The following GRM8 variants were observed in gnomAD, a reference collection of about 807,000 sequenced individuals.
GRM8 encodes the protein metabotropic glutamate receptor 8.
A neutral mutation model predicts 87.2 loss-of-function variants in GRM8; 47 were observed. The observed-to-expected ratio is 0.54, with a 90% CI of 0.43 to 0.69. The LOEUF is 0.69. Among genes scored for constraint, GRM8 ranks in the 30% least tolerant of loss-of-function variants. The pLI, the probability that GRM8 is intolerant of heterozygous loss-of-function variation, is 0.00. For missense variants in GRM8, 1,019 were observed against 1,139.2 expected (o/e 0.89, Z 1.52); for synonymous variants, 396 against 404.5 (o/e 0.98, Z 0.25).
intron 2 of GRM8, among the ~76,000 whole-genome samples, chr7:127,158,344 C>T (rs1228934233): frequency 6.6e-6 from 1 of 152,098 alleles, no homozygotes; most frequent in Non-Finnish European, 1.5e-5. Context: ...AAAGGACATC[C>T]TCACCGTCCA....
Position 127,188,182 on chromosome 7 carries a change from A to T in GRM8, c.510+54513T>A, listed in dbSNP as rs544496347. Among the ~76,000 whole-genome samples the T allele has an allele frequency of 2.8e-4, 42 of 152,350 alleles. 1 individual carries two copies. In the South Asian group the frequency reaches 7.5e-3, roughly 27 times the overall value. On this transcript the variant is annotated intron_variant, in intron 2 of 10. Transcript: ENST00000339582. ...TGTATCCTCACAATAAACTTATGAC[A>T]GAAGCATTATTGATAACTCCACTTT...
chr7:126,690,291 G>A lies in GRM8; in HGVS notation c.1357+79574C>T, dbSNP rs185859068. On this transcript the variant is annotated intron_variant, in intron 7 of 10. Transcript: ENST00000339582. ...GCCAAGGGCAAGGCAGGCACGGAGT[G>A]GTGAGGGGTATGTGAGCAAGCAAGC... Among the ~76,000 whole-genome samples, 20 of 152,346 alleles carry A rather than the reference G, an allele frequency of 1.3e-4. No individual in the cohort carries two copies. The East Asian group carries it at 3.5e-3, about 27-fold the overall frequency.
At chr7:126,480,055 G>A (rs1397679091) in intron 9 of GRM8, among the ~76,000 whole-genome samples, 1 of 152,054 alleles carries the variant, frequency 6.6e-6, no homozygotes, top group African/African-American at 2.4e-5. Context: ...GACTGAAGTG[G>A]GTGAAGAAGA....
At chr7:127,244,323 C>T (rs1798469506) in intron 1 of GRM8, among the ~76,000 whole-genome samples, 1 of 152,120 alleles carries the variant, frequency 6.6e-6, no homozygotes, top group African/African-American at 2.4e-5. Context: ...TGAAGAGCTG[C>T]CTAATTTTGC....
intron 2 of GRM8, among the ~76,000 whole-genome samples, chr7:127,165,437 C>A (rs766251478): frequency 2.6e-5 from 4 of 151,814 alleles, no homozygotes; most frequent in Non-Finnish European, 5.9e-5. Flanking sequence ...CCATGATAAT[C>A]CAGAATCCCA....
At chr7:126,682,499 A>G (rs1807702780) in intron 7 of GRM8, among the ~76,000 whole-genome samples, 1 of 152,234 alleles carries the variant, frequency 6.6e-6, no homozygotes, top group African/African-American at 2.4e-5. Flanking sequence ...TGTAGATGAT[A>G]GTTTTAATTT....
chr7:126,485,593 G>T (rs576005739), intron 9 of GRM8, among the ~76,000 whole-genome samples: 29 of 152,070 alleles, frequency 1.9e-4, no homozygotes, highest in Middle Eastern at 3.4e-3. Context: ...ATTTAAAGAA[G>T]AATTAAAATC....
chr7:126,993,020 T>C (rs1812826333), intron 3 of GRM8, among the ~76,000 whole-genome samples: 2 of 152,192 alleles, frequency 1.3e-5, no homozygotes, highest in African/African-American at 4.8e-5. Context: ...CAGTCTATGA[T>C]ATTTTGTTAT....
chr7:126,737,759 G>C lies in GRM8; in HGVS notation c.1357+32106C>G, dbSNP rs554408607. On this transcript the variant is annotated intron_variant, in intron 7 of 10. Coordinates refer to ENST00000339582, the MANE Select transcript of GRM8 (RefSeq NM_000845.3). Reference sequence around the variant, plus strand: ...TTAGCTATGCACTAAACTAAGTCCTGAGAATGTAAGGTCAAGTAAGTCATG... The same window carrying C: ...TTAGCTATGCACTAAACTAAGTCCTCAGAATGTAAGGTCAAGTAAGTCATG... Among the ~76,000 whole-genome samples the C allele has an allele frequency of 2.0e-5, 3 of 152,108 alleles. No individual in the cohort carries two copies. The East Asian group carries it at 5.8e-4, about 29-fold the overall frequency.
intron 6 of GRM8, chr7:126,868,959 T>C (rs1331306689): frequency 1.3e-5 from 2 of 152,210 alleles, no homozygotes; most frequent in African/African-American, 2.4e-5. Context: ...TATGCAATGC[T>C]ATTTGATAGC....
intron 7 of GRM8, among the ~76,000 whole-genome samples, chr7:126,641,236 T>A (rs1802351662): frequency 6.6e-6 from 1 of 152,222 alleles, no homozygotes; most frequent in Non-Finnish European, 1.5e-5. Flanking sequence ...GGTCTGTGAC[T>A]ATTCAATAAA....
intron 3 of GRM8, among the ~76,000 whole-genome samples, chr7:127,052,093 T>C (rs1290554811): frequency 6.6e-6 from 1 of 152,188 alleles, no homozygotes; most frequent in Admixed American, 6.5e-5. Context: ...TTCATGAAAA[T>C]TTTTGATAAG....
rs760862709 is a variant in GRM8 at position 127,111,764 on chromosome 7, C to T, written c.511-5052G>A. Among the ~76,000 whole-genome samples the T allele has an allele frequency of 4.9e-4, 75 of 152,144 alleles. 1 individual carries two copies. Among genetic ancestry groups the T allele is most frequent in the Non-Finnish European group, 1.0e-4 (7 of 68,024 alleles). On this transcript the variant is annotated intron_variant, in intron 2 of 10. Transcript: ENST00000339582. ...CTTAAAGGCTGGGTGCGGTGTCTCA[C>T]GCCTGTAATCCCAGCAGTTTGGGAG...
At chr7:127,250,567 A>T (rs796592421) in intron 1 of GRM8, among the ~76,000 whole-genome samples, 27 of 148,860 alleles carry the variant, frequency 1.8e-4, no homozygotes, top group African/African-American at 6.0e-4. Context: ...AGTTGACTCT[A>T]AAATGGAAAA....
At position 126,703,606 on chromosome 7, in the gene GRM8, C is replaced by T. The variant is rs982332784; in HGVS notation, c.1357+66259G>A. 2.0e-5 allele frequency among the ~76,000 whole-genome samples: 3 copies of T among 152,144 alleles called. No individual in the cohort carries two copies. The East Asian group carries it at 5.8e-4, about 29-fold the overall frequency. On this transcript the variant is annotated intron_variant, in intron 7 of 10. Transcript: ENST00000339582. ...CGAGGTCTCGTCTTTATCACTCAGG[C>T]TGAAGTGCAGTGGTATGATCACAGC...
chr7:126,471,337 G>A (rs1584728492), intron 9 of GRM8, among the ~76,000 whole-genome samples: 1 of 152,260 alleles, frequency 6.6e-6, no homozygotes, highest in Middle Eastern at 3.4e-3. Context: ...TAACGTTTAA[G>A]TCTTTAATCC....
intron 2 of GRM8, among the ~76,000 whole-genome samples, chr7:127,141,365 C>A (rs1350249080): frequency 2.0e-5 from 3 of 152,036 alleles, no homozygotes; most frequent in African/African-American, 7.2e-5. Context: ...TCAATTAATT[C>A]TTCTAGATAG....
rs117258755 is a variant in GRM8 at position 126,660,456 on chromosome 7, T to C, written c.1358-50958A>G. Among the ~76,000 whole-genome samples, 812 of 152,276 alleles carry C rather than the reference T, an allele frequency of 5.3e-3. 6 individuals carry two copies. The highest frequency in any genetic ancestry group is 8.9e-3 in the Non-Finnish European group (605 of 67,980). ...TTTTAGAGACTATGATACAAATAAATCTAAGTTTAATTTTCTCCAAATTTG... is the reference window on the plus strand; with the variant it reads ...TTTTAGAGACTATGATACAAATAAACCTAAGTTTAATTTTCTCCAAATTTG... On this transcript the variant is annotated intron_variant, in intron 7 of 10. Coordinates refer to ENST00000339582, the MANE Select transcript of GRM8 (RefSeq NM_000845.3).
intron 7 of GRM8, among the ~76,000 whole-genome samples, chr7:126,681,635 G>A (rs1807597904): frequency 6.6e-6 from 1 of 152,182 alleles, no homozygotes; most frequent in African/African-American, 2.4e-5. Flanking sequence ...GACAGAGCAG[G>A]GACTTTGTCT....
Sources: gnomAD v4.1 joint callset for allele counts (sites outside exome capture counted in the v4.1 genomes callset) on GRCh38, gnomAD v4.1.1 for gene constraint, MANE v1.5 for transcripts, NCBI Gene and HGNC (gene_info 2026-07-23, HGNC 2026-07-21) for gene names.